Variants in INPP5B observed in about 807,000 individuals in gnomAD.
INPP5B encodes inositol polyphosphate-5-phosphatase B, also known as type II inositol 1,4,5-trisphosphate 5-phosphatase.
INPP5B carries 90 observed loss-of-function variants against 118.5 expected under a neutral mutation model. That is an observed-to-expected ratio of 0.76 (90% CI 0.64 to 0.90). The LOEUF is 0.90. Among genes scored for constraint, INPP5B ranks in the 40% least tolerant of loss-of-function variants. The pLI, the probability that INPP5B is intolerant of heterozygous loss-of-function variation, is 0.00. For synonymous variants in INPP5B, 385 were observed against 418.9 expected (o/e 0.92, Z 0.99); for missense variants, 984 against 1,125.6 (o/e 0.87, Z 1.80).
At position 37,931,893 on chromosome 1, in the gene INPP5B, C is replaced by T. The variant is rs553527590; in HGVS notation, c.532+20G>A. 6.2e-7 allele frequency: 1 copy of T among 1,613,970 alleles called. No individual in the cohort carries two copies. The highest frequency in any genetic ancestry group is 8.5e-7 in the Non-Finnish European group (1 of 1,180,036). ...GGGCCTCCTCCAATCCCCACCGTTTCTTCCGGGACGGATACCTGCCTCCGC... is the reference window on the plus strand; with the variant it reads ...GGGCCTCCTCCAATCCCCACCGTTTTTTCCGGGACGGATACCTGCCTCCGC... On this transcript the variant is annotated intron_variant, in intron 7 of 23. Transcript: ENST00000373024.
chr1:37,865,988 G>A (rs1237759622), intron 21 of INPP5B, 100 bp from the exon 22 acceptor site: 2 of 1,547,272 alleles, frequency 1.3e-6, no homozygotes, highest in African/African-American at 2.7e-5. Context: ...GCCCTGTCAG[G>A]CTCTCTGCTC....
At chr1:37,936,828 A>C (rs901605817) in intron 6 of INPP5B, among the ~76,000 whole-genome samples, 1 of 151,348 alleles carries the variant, frequency 6.6e-6, no homozygotes, top group Non-Finnish European at 1.5e-5. Context: ...AGGCCTTCCA[A>C]ACTGCTGGGA....
Position 37,931,969 on chromosome 1 carries a change from G to A in INPP5B, c.476C>T (p.Pro159Leu), listed in dbSNP as rs1002744888. ...CAELELEMPT[P>L]RGCNSALVTW... ...AACTAGGGCCGAGTTACAACCGCGC[G>A]GCGTTGGCATCTCCAGCTCCAGCTC... Residue 159 changes from proline to leucine, a missense_variant, in exon 7 of 24, where the codon CCG becomes CTG. Pro to Leu is a moderately conservative substitution (Grantham distance 98). Around this residue, in one of 2 missense-constraint regions of INPP5B, gnomAD observed 350 missense variants for 334.6 expected, o/e 1.05. Transcript: ENST00000373024. 2 of 1,613,864 alleles carry A rather than the reference G, an allele frequency of 1.2e-6. No individual in the cohort carries two copies. Among genetic ancestry groups the A allele is most frequent in the Non-Finnish European group, 1.7e-6 (2 of 1,180,002 alleles).
chr1:37,930,028 C>G (rs1398222298), intron 7 of INPP5B: 1 of 152,234 alleles, frequency 6.6e-6, no homozygotes, highest in African/African-American at 2.4e-5. Context: ...GTCACCACGC[C>G]TGGCTGACAA....
chr1:37,926,316 G>A (rs946328906), intron 7 of INPP5B, among the ~76,000 whole-genome samples: 2 of 149,740 alleles, frequency 1.3e-5, no homozygotes, highest in East Asian at 1.9e-4. Flanking sequence ...TTTTTGAGAC[G>A]GAGTCTCACT....
chr1:37,919,507 G>A (rs1464413220), intron 7 of INPP5B, among the ~76,000 whole-genome samples: 1 of 152,130 alleles, frequency 6.6e-6, no homozygotes, highest in Non-Finnish European at 1.5e-5. Context: ...GGCTCTCTAA[G>A]TCTGAGACAG....
intron 13 of INPP5B, chr1:37,885,406 T>A (rs1415201376): frequency 2.9e-5 from 12 of 416,936 alleles, no homozygotes; most frequent in Non-Finnish European, 5.2e-5. Context: ...AGAGCGCGAC[T>A]CCATCTCGAA....
At chr1:37,912,227 CA>C (rs1245894176) in intron 7 of INPP5B, among the ~76,000 whole-genome samples, 2 of 152,160 alleles carry the variant, frequency 1.3e-5, no homozygotes, top group Admixed American at 6.5e-5. Context: ...GACTGGACCC[CA>C]CTTAGTCATC....
At chr1:37,869,543 G>A (rs1306324244) in intron 19 of INPP5B, among the ~76,000 whole-genome samples, 1 of 151,704 alleles carries the variant, frequency 6.6e-6, no homozygotes, top group African/African-American at 2.4e-5. Flanking sequence ...GCAGTGGTGC[G>A]ATCTCGGCTC....
chr1:37,869,731 C>T (rs774305790), intron 19 of INPP5B, among the ~76,000 whole-genome samples: 4 of 152,058 alleles, frequency 2.6e-5, no homozygotes, highest in Admixed American at 6.6e-5. Context: ...CCACCCGCCT[C>T]AGCCTCCCAA....
In INPP5B at chr1:37,907,832, CA is replaced by C. The variant is rs2148589199; in HGVS notation, c.533-16379del. Among the ~76,000 whole-genome samples the C allele has an allele frequency of 6.6e-6, 1 of 152,210 alleles. No individual in the cohort carries two copies. Among genetic ancestry groups the C allele is most frequent in the Admixed American group, 6.5e-5 (1 of 15,272 alleles). On this transcript the variant is annotated intron_variant, in intron 7 of 23. Coordinates refer to ENST00000373024, the MANE Select transcript of INPP5B (RefSeq NM_005540.3). This position sits in a 1 kb window ranked among gnomAD's most constrained non-coding sequence, Gnocchi z 4.3. ...GAATAATCTGTCAGGCCTCTGAGCC[CA>C]AGCTAAGCCATCATATCCCCTGTGA...
At chr1:37,938,494 T>A (rs1226034863) in intron 6 of INPP5B, among the ~76,000 whole-genome samples, 1 of 152,114 alleles carries the variant, frequency 6.6e-6, no homozygotes, top group Non-Finnish European at 1.5e-5. Context: ...TTATCTCATT[T>A]AATTCTCACA....
rs1280087916 is a variant in INPP5B, at chr1:37,878,300, C to G, written c.1565G>C (p.Trp522Ser). 6.2e-7 allele frequency: 1 copy of G among 1,614,048 alleles called. No individual in the cohort carries two copies. Among genetic ancestry groups the G allele is most frequent in the South Asian group, 1.1e-5 (1 of 91,072 alleles). The change falls in exon 16 of 24, where the codon TGG becomes TCG. Residue 522 changes from tryptophan to serine, a missense_variant. By Grantham distance (177) the Trp-to-Ser change is radical. Transcript: ENST00000373024. The stretch of plus-strand genomic sequence containing the variant: ...CCCTTTCCAGAGAATCCGATCACAC[C>G]AGGCAGGAGCACGGCACTTCTCACT... Reference protein sequence around the residue: ...DTSEKCRAPAWCDRILWKGKN... With the variant: ...DTSEKCRAPASCDRILWKGKN...
In INPP5B at chr1:37,931,963, C is replaced by T. The variant is rs769545403; in HGVS notation, c.482G>A (p.Gly161Asp). The T allele has an allele frequency of 1.1e-5, 17 of 1,613,928 alleles. No homozygotes were observed. The highest frequency in any genetic ancestry group is 1.4e-5 in the Non-Finnish European group (17 of 1,180,012). ...ELELEMPTPR[G>D]CNSALVTWPG... ...CCAGGTAACTAGGGCCGAGTTACAA[C>T]CGCGCGGCGTTGGCATCTCCAGCTC... is the stretch of plus-strand genomic sequence containing the variant. Residue 161 changes from glycine to aspartate, a missense_variant, in exon 7 of 24, where the codon GGT becomes GAT. Coordinates refer to ENST00000373024, the MANE Select transcript of INPP5B (RefSeq NM_005540.3).
At chr1:37,937,179 C>T (rs971384033) in intron 6 of INPP5B, among the ~76,000 whole-genome samples, 2 of 151,772 alleles carry the variant, frequency 1.3e-5, no homozygotes, top group African/African-American at 4.8e-5. Context: ...GGCATGGTGG[C>T]GTGCACCTGT....
At chr1:37,946,356 C>A in intron 1 of INPP5B, 22 bp from the exon 2 acceptor site, 1 of 1,578,716 alleles carries the variant, frequency 6.3e-7, no homozygotes. Context: ...GAGATAGGAG[C>A]CCCGCTTTGG....
intron 7 of INPP5B, among the ~76,000 whole-genome samples, chr1:37,927,648 T>C (rs1645283865): frequency 1.3e-5 from 2 of 151,778 alleles, no homozygotes. Context: ...GCCATTCTCC[T>C]GCCTCAGCCT....
intron 15 of INPP5B, among the ~76,000 whole-genome samples, chr1:37,879,154 C>A (rs970541508): frequency 6.6e-6 from 1 of 151,800 alleles, no homozygotes; most frequent in Admixed American, 6.6e-5. Flanking sequence ...TGCCTGTAGT[C>A]CCAGCTACTC....
Position 37,889,559 on chromosome 1 carries a change from G to T in INPP5B, c.795C>A (p.Phe265Leu). 1 of 1,609,216 alleles carries T rather than the reference G, an allele frequency of 6.2e-7. No homozygotes were observed. Among genetic ancestry groups the T allele is most frequent in the Non-Finnish European group, 8.5e-7 (1 of 1,177,802 alleles). Residue 265 changes from phenylalanine to leucine, a missense_variant and splice_region_variant, in exon 9 of 24, where the codon TTC becomes TTA. Phe to Leu is a conservative substitution (Grantham distance 22, BLOSUM62 0). Around this residue, in one of 2 missense-constraint regions of INPP5B, gnomAD observed 634 missense variants for 791.0 expected, o/e 0.80. Coordinates refer to ENST00000373024, the MANE Select transcript of INPP5B (RefSeq NM_005540.3). ...KEEDYTYIQN[F>L]RFFAGTYNVN... is the part of the protein sequence containing the mutation. ...CATCCTAGAACCCAGTTAGCTACCTGAAGTTCTGGATATAGGTGTAATCCT... is the reference window on the plus strand; with the variant it reads ...CATCCTAGAACCCAGTTAGCTACCTTAAGTTCTGGATATAGGTGTAATCCT...
Sources: gnomAD v4.1 joint callset for allele counts (sites outside exome capture counted in the v4.1 genomes callset) on GRCh38, gnomAD v4.1.1 for gene constraint, gnomAD v4.1.1 regional missense constraint, Gnocchi (gnomAD v3.1) non-coding constraint, MANE v1.5 for transcripts, NCBI Gene and HGNC (gene_info 2026-07-23, HGNC 2026-07-21) for gene names.